KCNH4: variants seen among roughly 807,000 people sequenced by gnomAD.
KCNH4 encodes voltage-gated delayed rectifier potassium channel KCNH4.
In KCNH4, 33 loss-of-function variants were observed where a neutral mutation model predicts 90.7. That is an observed-to-expected ratio of 0.36 (90% CI 0.28 to 0.49). KCNH4 has a LOEUF of 0.49. KCNH4 is among the 20% of genes least tolerant of loss of function. The pLI is 0.98. For missense variants in KCNH4, 1,044 were observed against 1,387.1 expected (o/e 0.75, Z 3.93); for synonymous variants, 551 against 581.7 (o/e 0.95, Z 0.76).
At position 42,180,970 on chromosome 17, in the gene KCNH4, G is replaced by T. The variant is rs1001751441; in HGVS notation, c.-25C>A. The T allele has an allele frequency of 6.2e-7, 1 of 1,607,404 alleles. No individual in the cohort carries two copies. The highest frequency in any genetic ancestry group is 8.5e-7 in the Non-Finnish European group (1 of 1,176,576). On this transcript the variant is annotated 5_prime_UTR_variant, in exon 1 of 17. Transcript: ENST00000264661. This position sits in a 1 kb window ranked among gnomAD's most constrained non-coding sequence, Gnocchi z 4.7. ...TGGCCCCGGGGCGTGGGTTCAAGGC[G>T]CGGCGCTGGGGAGCTTTCAGCGCGG... is the stretch of plus-strand genomic sequence containing the variant.
At chr17:42,168,814 C>T (rs2079805825) in intron 9 of KCNH4, among the ~76,000 whole-genome samples, 3 of 151,786 alleles carry the variant, frequency 2.0e-5, no homozygotes, top group Non-Finnish European at 4.4e-5. Context: ...CTCTGCCGCC[C>T]AGGCTGGAGT....
chr17:42,169,820 T>C, intron 8 of KCNH4, 144 bp from the exon 9 acceptor site: 1 of 815,776 alleles, frequency 1.2e-6, no homozygotes, highest in Admixed American at 2.3e-5. Flanking sequence ...GGGTGGGGAA[T>C]AGGGAGTGGT....
At chr17:42,174,242 C>G (rs1192533066) in intron 6 of KCNH4, among the ~76,000 whole-genome samples, 2 of 152,226 alleles carry the variant, frequency 1.3e-5, no homozygotes, top group Non-Finnish European at 2.9e-5. Context: ...CTGAACCTCT[C>G]TGAGCCTCTG....
At position 42,171,789 on chromosome 17, in the gene KCNH4, A is replaced by G. The variant is rs1008232413; in HGVS notation, c.1194T>C (p.Ile398=). 6.2e-7 allele frequency: 1 copy of G among 1,614,072 alleles called. No homozygotes were observed. Among genetic ancestry groups the G allele is most frequent in the Non-Finnish European group, 8.5e-7 (1 of 1,179,994 alleles). Residue 398 remains isoleucine (I), a splice_region_variant and synonymous_variant, in exon 7 of 17, where the codon ATT becomes ATC. Coordinates refer to ENST00000264661, the MANE Select transcript of KCNH4 (RefSeq NM_012285.3). ...GAAAGTTTGGGGTCGGTGGCTCACC[A>G]ATGTCCCAGAGCAGCGGGTCATTGG... is the stretch of plus-strand genomic sequence containing the variant. ...MEANDPLLWD[I]GWLHELGKRL...
At chr17:42,174,029 C>T (rs982014791) in intron 6 of KCNH4, among the ~76,000 whole-genome samples, 5 of 152,082 alleles carry the variant, frequency 3.3e-5, no homozygotes, top group Non-Finnish European at 7.4e-5. Flanking sequence ...GCTATCTTGG[C>T]TCACTGCAAC....
rs1186948266 is a variant in KCNH4 at position 42,162,318 on chromosome 17, G to A, written c.2588C>T (p.Thr863Ile). Reference protein sequence around the residue: ...RPRSQAPPTGTRPSPELASEA... With the variant: ...RPRSQAPPTGIRPSPELASEA... ...ACTGGCCAATTCTGGGCTGGGCCTG[G>A]TCCCTGCAGGGTGAAGGGATGCAGG... Residue 863 changes from threonine to isoleucine, a missense_variant, in exon 15 of 17, where the codon ACC becomes ATC. Around this residue, in one of 4 missense-constraint regions of KCNH4, gnomAD observed 441 missense variants for 512.3 expected, o/e 0.86. Transcript: ENST00000264661. 6.2e-7 allele frequency: 1 copy of A among 1,613,782 alleles called. No homozygotes were observed.
At chr17:42,178,552 C>G in intron 2 of KCNH4, 75 bp from the exon 3 acceptor site, 1 of 1,540,966 alleles carries the variant, frequency 6.5e-7, no homozygotes, top group Non-Finnish European at 8.8e-7. Context: ...CCCTCTCATC[C>G]TCCTAGACAT....
intron 14 of KCNH4, among the ~76,000 whole-genome samples, chr17:42,162,634 C>G (rs981277091): frequency 6.6e-6 from 1 of 151,800 alleles, no homozygotes; most frequent in Non-Finnish European, 1.5e-5. Context: ...ACTCTGTTGC[C>G]CAGGGTGGAG....
Position 42,161,954 on chromosome 17 carries a change from T to C in KCNH4, c.2658+294A>G, listed in dbSNP as rs1048915962. On this transcript the variant is annotated intron_variant, in intron 15 of 16. Coordinates refer to ENST00000264661, the MANE Select transcript of KCNH4 (RefSeq NM_012285.3). ...CTAGCTAGCGTGAATATCTCTCTCT[T>C]TTTTTTTTTTTTTTTTTTCTGAGAC... 7.6e-3 allele frequency among the ~76,000 whole-genome samples: 1,052 copies of C among 138,758 alleles called. 7 individuals carry two copies. The highest frequency in any genetic ancestry group is 0.024 in the African/African-American group (950 of 39,380). 91.0% of individuals were successfully genotyped at this position (138,758 alleles called of 152,430 possible).
At chr17:42,167,002 C>T (rs1032390300) in intron 9 of KCNH4, among the ~76,000 whole-genome samples, 1 of 152,178 alleles carries the variant, frequency 6.6e-6, no homozygotes, top group Non-Finnish European at 1.5e-5. Flanking sequence ...CCTCTTATGG[C>T]CACACTGCAT....
chr17:42,171,432 A>G, intron 7 of KCNH4, among the ~76,000 whole-genome samples: 1 of 151,928 alleles, frequency 6.6e-6, no homozygotes. Context: ...TGAAGCTTGG[A>G]GAAGAAGGGA....
At chr17:42,174,843 C>A (rs1033364780) in intron 6 of KCNH4, among the ~76,000 whole-genome samples, 2 of 152,176 alleles carry the variant, frequency 1.3e-5, no homozygotes, top group African/African-American at 4.8e-5. Flanking sequence ...CACCCCACAG[C>A]CTCTACCTTC....
intron 5 of KCNH4, 24 bp downstream of exon 5, chr17:42,176,030 G>A (rs1192028715): frequency 1.3e-6 from 2 of 1,575,652 alleles, no homozygotes; most frequent in African/African-American, 1.3e-5. Context: ...GACCCACCAG[G>A]GTGGGTGAGG....
rs753817153 is a variant in KCNH4 at position 42,165,504 on chromosome 17, C to T, written c.2030G>A (p.Arg677Gln). The change falls in exon 11 of 17, where the codon CGG (arginine) becomes CAG (glutamine). Residue 677 changes from arginine to glutamine, a missense_variant. Coordinates refer to ENST00000264661, the MANE Select transcript of KCNH4 (RefSeq NM_012285.3). ...GGTGAGGTCCCGGGGCAGGCCAGCC[C>T]GGAAGGCAGCCCCATACTCAGGATA... ...RLYPEYGAAF[R>Q]AGLPRDLTFN... 32 of 1,614,064 alleles carry T rather than the reference C, an allele frequency of 2.0e-5. No individual in the cohort carries two copies. Among genetic ancestry groups the T allele is most frequent in the Admixed American group, 3.3e-5 (2 of 60,002 alleles).
chr17:42,162,823 C>A (rs1175830816), intron 14 of KCNH4, among the ~76,000 whole-genome samples: 3 of 152,104 alleles, frequency 2.0e-5, no homozygotes, highest in African/African-American at 7.2e-5. Flanking sequence ...GAACTCCTGA[C>A]CTCAGGTGAT....
chr17:42,163,746 G>T lies in KCNH4; in HGVS notation c.2337C>A (p.Ser779=). The T allele has an allele frequency of 6.4e-7, 1 of 1,558,828 alleles. No individual in the cohort carries two copies. The highest frequency in any genetic ancestry group is 8.7e-7 in the Non-Finnish European group (1 of 1,155,490). Residue 779 remains serine, a synonymous_variant, in exon 13 of 17, where the codon TCC becomes TCA. Transcript: ENST00000264661. This position sits in a 1 kb window ranked among gnomAD's most constrained non-coding sequence, Gnocchi z 5.4. ...FSALVSSPSL[S]PSLSPALAGQ... is the part of the protein sequence containing the mutation. ...CAGCCAGGGCAGGGGACAGGGATGG[G>T]GATAAGGAAGGAGAGGAGACAAGGG...
chr17:42,160,766 T>G (rs910425885), intron 15 of KCNH4, among the ~76,000 whole-genome samples: 1 of 151,494 alleles, frequency 6.6e-6, no homozygotes, highest in Non-Finnish European at 1.5e-5. Flanking sequence ...AGCTCAAGGG[T>G]CTCTATCAGT....
At chr17:42,178,725 G>T in intron 2 of KCNH4, 68 bp downstream of exon 2, 1 of 1,376,474 alleles carries the variant, frequency 7.3e-7, no homozygotes, top group Non-Finnish European at 1.0e-6. Context: ...GACTCCTACT[G>T]TGCCCAGTGC....
intron 8 of KCNH4, among the ~76,000 whole-genome samples, 174 bp from the exon 9 acceptor site, chr17:42,169,850 C>T (rs887416616): frequency 2.0e-5 from 3 of 152,218 alleles, no homozygotes; most frequent in African/African-American, 7.2e-5. Context: ...GGTAACACCC[C>T]ATGCTCCTCT....
Sources: gnomAD v4.1 joint callset for allele counts (sites outside exome capture counted in the v4.1 genomes callset) on GRCh38, gnomAD v4.1.1 for gene constraint, gnomAD v4.1.1 regional missense constraint, Gnocchi (gnomAD v3.1) non-coding constraint, MANE v1.5 for transcripts, NCBI Gene and HGNC (gene_info 2026-07-23, HGNC 2026-07-21) for gene names.